Variants in UGT1A10 observed in about 807,000 individuals in gnomAD.
UGT1A10 encodes UDP-glucuronosyltransferase 1A10.
UGT1A10 carries 49 observed loss-of-function variants against 45.8 expected under a neutral mutation model. The ratio of observed to expected loss-of-function variants is 1.07; its 90% confidence interval spans 0.85 to 1.36. The LOEUF is 1.36. UGT1A10 is among the 40% of genes most tolerant of loss of function. UGT1A10 has a pLI of 0.00. For synonymous variants in UGT1A10, 284 were observed against 249.7 expected (o/e 1.14, Z -1.29); for missense variants, 745 against 668.6 (o/e 1.11, Z -1.26).
At chr2:233,645,478 C>G (rs2073575392) in intron 1 of UGT1A10, among the ~76,000 whole-genome samples, 1 of 152,238 alleles carries the variant, frequency 6.6e-6, no homozygotes, top group African/African-American at 2.4e-5. Context: ...CAAGTCCCTT[C>G]CACCTATGGG....
At chr2:233,680,803 G>C (rs1386884199) in intron 1 of UGT1A10, among the ~76,000 whole-genome samples, 1 of 152,140 alleles carries the variant, frequency 6.6e-6, no homozygotes, top group Admixed American at 6.5e-5. Flanking sequence ...CATAGCAAAG[G>C]CCTGCAGCTC....
At chr2:233,743,929 G>C in intron 1 of UGT1A10, 1 of 1,360,304 alleles carries the variant, frequency 7.4e-7, no homozygotes, top group Non-Finnish European at 9.8e-7. Flanking sequence ...TGGATGGCCA[G>C]AACGGCCCAC....
intron 1 of UGT1A10, chr2:233,755,174 G>T (rs868590389): frequency 1.1e-5 from 14 of 1,248,736 alleles, no homozygotes; most frequent in Middle Eastern, 4.4e-4. Flanking sequence ...GGTTTTTGTC[G>T]GGGTGCCACT....
intron 1 of UGT1A10, among the ~76,000 whole-genome samples, chr2:233,676,585 T>C (rs2074365704): frequency 6.6e-6 from 1 of 152,214 alleles, no homozygotes. Context: ...ACCTGAAATG[T>C]AGTCATCATG....
chr2:233,755,424 C>T (rs976220166), intron 1 of UGT1A10: 1 of 319,328 alleles, frequency 3.1e-6, no homozygotes, highest in East Asian at 8.3e-5. Flanking sequence ...GTGAGCGCCT[C>T]GCATCCCAAG....
In UGT1A10 at chr2:233,637,347, C is replaced by T; in HGVS notation, c.825C>T (p.Ile275=). The change falls in exon 1 of 5, where the codon ATC becomes ATT. Residue 275 remains isoleucine, a synonymous_variant. Coordinates refer to ENST00000344644, the MANE Select transcript of UGT1A10 (RefSeq NM_019075.4). ...VMPNMIFIGG[I]NCHQGKPLPM... is the part of the protein sequence containing the mutation. Reference sequence around the variant, plus strand: ...CCAACATGATCTTCATTGGTGGTATCAACTGTCATCAGGGAAAGCCATTGC... The same window carrying T: ...CCAACATGATCTTCATTGGTGGTATTAACTGTCATCAGGGAAAGCCATTGC... 1.2e-6 allele frequency: 2 copies of T among 1,613,774 alleles called. No individual in the cohort carries two copies. Among genetic ancestry groups the T allele is most frequent in the Non-Finnish European group, 1.7e-6 (2 of 1,179,740 alleles).
chr2:233,754,909 T>C (rs754885290), intron 1 of UGT1A10: 1 of 1,353,004 alleles, frequency 7.4e-7, no homozygotes, highest in Non-Finnish European at 9.9e-7. Flanking sequence ...CCCAAAATAT[T>C]CTCCAGCGGG....
At chr2:233,731,212 T>A (rs1194990804) in intron 1 of UGT1A10, among the ~76,000 whole-genome samples, 1 of 152,156 alleles carries the variant, frequency 6.6e-6, no homozygotes, top group Non-Finnish European at 1.5e-5. Context: ...TACGTGTTTA[T>A]TTAGATTTGT....
chr2:233,637,179 T>G lies in UGT1A10; in HGVS notation c.657T>G (p.Phe219Leu). ...TCGTGCACTTGGAGGACCATTTATTTTGCCAGTATCTTTTTAGAAATGCCC... is the reference window on the plus strand; with the variant it reads ...TCGTGCACTTGGAGGACCATTTATTGTGCCAGTATCTTTTTAGAAATGCCC... Reference protein sequence around the residue: ...NHIVHLEDHLFCQYLFRNALE... With the variant: ...NHIVHLEDHLLCQYLFRNALE... Residue 219 changes from phenylalanine to leucine, a missense_variant, in exon 1 of 5, where the codon TTT becomes TTG. Physicochemically the swap from Phe to Leu is conservative, Grantham distance 22 (BLOSUM62 0). Transcript: ENST00000344644. 1 of 1,613,994 alleles carries G rather than the reference T, an allele frequency of 6.2e-7. No homozygotes were observed. The highest frequency in any genetic ancestry group is 8.5e-7 in the Non-Finnish European group (1 of 1,179,870).
intron 1 of UGT1A10, among the ~76,000 whole-genome samples, chr2:233,736,521 CAA>C (rs1208875271): frequency 6.6e-6 from 1 of 152,210 alleles, no homozygotes; most frequent in Non-Finnish European, 1.5e-5. Flanking sequence ...GTCAACTCGT[CAA>C]AGTCATTCTC....
At chr2:233,672,011 G>A (rs796311461) in intron 1 of UGT1A10, 2 of 1,614,010 alleles carry the variant, frequency 1.2e-6, no homozygotes, top group South Asian at 1.1e-5. Context: ...GCCGAGGCAG[G>A]GAAGCTACTG....
chr2:233,720,145 C>T (rs1311808159), intron 1 of UGT1A10, among the ~76,000 whole-genome samples: 2 of 152,118 alleles, frequency 1.3e-5, no homozygotes, highest in Non-Finnish European at 2.9e-5. Context: ...CCTAGGCACT[C>T]ACAGGAAGTA....
At chr2:233,747,186 C>G (rs1693584588) in intron 1 of UGT1A10, 2 of 1,602,976 alleles carry the variant, frequency 1.2e-6, no homozygotes, top group Non-Finnish European at 1.7e-6. Flanking sequence ...GTGGGGTGGA[C>G]AGTCAGCTGT....
intron 1 of UGT1A10, among the ~76,000 whole-genome samples, chr2:233,679,795 T>G (rs1434455413): frequency 6.6e-6 from 1 of 152,176 alleles, no homozygotes; most frequent in Non-Finnish European, 1.5e-5. Flanking sequence ...ATTCTTCACC[T>G]CTCTTTTGCT....
At chr2:233,671,191 G>T (rs2074181351) in intron 1 of UGT1A10, among the ~76,000 whole-genome samples, 1 of 152,228 alleles carries the variant, frequency 6.6e-6, no homozygotes, top group African/African-American at 2.4e-5. Flanking sequence ...TGTGCAAGTT[G>T]AGCGGTCACT....
chr2:233,675,197 C>T (rs950027047), intron 1 of UGT1A10, among the ~76,000 whole-genome samples: 85 of 152,138 alleles, frequency 5.6e-4, no homozygotes, highest in African/African-American at 1.9e-3. Flanking sequence ...GGCAGATGGC[C>T]CCGTCTTCAA....
intron 1 of UGT1A10, among the ~76,000 whole-genome samples, chr2:233,710,483 T>A (rs375891523): frequency 3.9e-5 from 6 of 152,358 alleles, no homozygotes; most frequent in South Asian, 4.1e-4. Flanking sequence ...AGAATTTCAT[T>A]GGGTTTGAAT....
In UGT1A10 at chr2:233,682,591, A is replaced by T. The variant is rs747574458; in HGVS notation, c.855+45214A>T. The stretch of plus-strand genomic sequence containing the variant: ...ACATCATGCACTTGGAGGAACATTT[A>T]TTTTGCCCCTATTTTTTCAAAAATG... On this transcript the variant is annotated intron_variant, in intron 1 of 4. Transcript: ENST00000344644. The T allele has an allele frequency of 4.3e-6, 7 of 1,613,826 alleles. No homozygotes were observed. The South Asian group carries it at 7.7e-5, about 18-fold the overall frequency.
At chr2:233,696,856 TG>T (rs2075362224) in intron 1 of UGT1A10, among the ~76,000 whole-genome samples, 2 of 152,228 alleles carry the variant, frequency 1.3e-5, no homozygotes, top group Admixed American at 1.3e-4. Flanking sequence ...TTTTGTTGAA[TG>T]TTTTTTCAGC....
Sources: allele counts gnomAD v4.1 joint callset (sites outside exome capture counted in the v4.1 genomes callset), GRCh38; gene constraint gnomAD v4.1.1; transcripts MANE v1.5; gene names NCBI Gene and HGNC (gene_info 2026-07-23, HGNC 2026-07-21).